Variants in DMTF1 observed in about 807,000 individuals in gnomAD.
DMTF1 encodes the protein cyclin-D-binding Myb-like transcription factor 1.
A neutral mutation model predicts 91.1 loss-of-function variants in DMTF1; 39 were observed. That is an observed-to-expected ratio of 0.43 (90% confidence interval 0.33 to 0.56). DMTF1 has a LOEUF of 0.56. DMTF1 is among the 20% of genes least tolerant of loss of function. The pLI is 0.05. For missense variants in DMTF1, 750 were observed against 914.5 expected, an observed-to-expected ratio of 0.82 and a Z score of 2.32; for synonymous variants, 338 against 309.5, an observed-to-expected ratio of 1.09 and a Z score of -0.97.
At position 87,168,266 on chromosome 7, in the gene DMTF1, A is replaced by G. The variant is rs75204062; in HGVS notation, c.232+1661A>G. On this transcript the variant is annotated intron_variant, in intron 4 of 17. Coordinates refer to ENST00000331242, the MANE Select transcript of DMTF1 (RefSeq NM_001142327.2). ...ACTACATTTATCCCATTCCCTATTT[A>G]TAGTTGTAACTGTATAGTGATTACA... Among the ~76,000 whole-genome samples the G allele has an allele frequency of 6.0e-3, 909 of 152,296 alleles. 10 individuals are homozygous for G. The highest frequency in any genetic ancestry group is 0.021 in the African/African-American group (866 of 41,572).
intron 1 of DMTF1, among the ~76,000 whole-genome samples, chr7:87,162,265 A>G (rs1437083803): frequency 1.7e-4 from 26 of 152,046 alleles, no homozygotes; most frequent in Admixed American, 1.7e-3. Flanking sequence ...TCTGGAGACT[A>G]GATCTCACTA....
intron 1 of DMTF1, chr7:87,154,331 C>G (rs146673087): frequency 2.0e-5 from 3 of 152,582 alleles, no homozygotes; most frequent in East Asian, 1.9e-4. Flanking sequence ...TTTTAACTCT[C>G]GATACTAGGT....
intron 10 of DMTF1, among the ~76,000 whole-genome samples, 197 bp from the exon 11 acceptor site, chr7:87,184,200 C>G (rs973382775): frequency 2.0e-5 from 3 of 152,050 alleles, no homozygotes; most frequent in Non-Finnish European, 4.4e-5. Context: ...TCTTTATTTT[C>G]TTTTCTACTG....
chr7:87,159,864 T>TA (rs1791810988), intron 1 of DMTF1, among the ~76,000 whole-genome samples: 2 of 152,202 alleles, frequency 1.3e-5, no homozygotes, highest in African/African-American at 2.4e-5. Context: ...ATAGAAAAGG[T>TA]ACAGTAAAAA....
At chr7:87,163,963 A>C (rs1287428263) in intron 2 of DMTF1, among the ~76,000 whole-genome samples, 1 of 145,964 alleles carries the variant, frequency 6.9e-6, no homozygotes, top group African/African-American at 2.5e-5. Flanking sequence ...GTATCACTTG[A>C]GCTCAGAAGT....
At chr7:87,194,257 T>A in intron 16 of DMTF1, 155 bp downstream of exon 16, 1 of 776,178 alleles carries the variant, frequency 1.3e-6, no homozygotes, top group Non-Finnish European at 2.0e-6. Flanking sequence ...GGGCAGGCAG[T>A]GATCCTGTGG....
intron 8 of DMTF1, 76 bp from the exon 9 acceptor site, chr7:87,181,233 G>T (rs548713786): frequency 1.4e-6 from 1 of 711,436 alleles, no homozygotes; most frequent in East Asian, 2.7e-5. Flanking sequence ...CTCCCTAAAT[G>T]AAATTCTGAT....
rs1801038757 is a variant in DMTF1, at chr7:87,195,367, A to G, written c.*227A>G. 1 of 398,886 alleles carries G rather than the reference A, an allele frequency of 2.5e-6. No homozygotes were observed. Among genetic ancestry groups the G allele is most frequent in the Non-Finnish European group, 4.5e-6 (1 of 221,604 alleles). 24.7% of individuals were successfully genotyped at this position (398,886 alleles called of 1,614,324 possible). ...AGTTGAGTGGAGGCTGGGAGTTTTA[A>G]GCATAAATCCCTGTTTAGTGTTACA... is the stretch of plus-strand genomic sequence containing the variant. On this transcript the variant is annotated 3_prime_UTR_variant, in exon 18 of 18. Transcript: ENST00000331242.
intron 4 of DMTF1, among the ~76,000 whole-genome samples, chr7:87,168,053 C>T (rs1207872273): frequency 1.3e-5 from 2 of 152,160 alleles, no homozygotes; most frequent in African/African-American, 4.8e-5. Flanking sequence ...GGTATGTTGA[C>T]ATGAAAGCAC....
chr7:87,184,987 G>C (rs1252287726), intron 11 of DMTF1: 1 of 438,190 alleles, frequency 2.3e-6, no homozygotes, highest in African/African-American at 2.0e-5. Context: ...TAAGAGGGCT[G>C]TTCAGTCTCC....
intron 3 of DMTF1, 85 bp from the exon 4 acceptor site, chr7:87,166,394 AATAG>A (rs1189656296): frequency 1.0e-5 from 14 of 1,375,014 alleles, no homozygotes; most frequent in Admixed American, 7.2e-5. Flanking sequence ...AAATTTTTTT[AATAG>A]ATAAGAAAAT....
At position 87,194,071 on chromosome 7, in the gene DMTF1, C is replaced by T. The variant is rs1321716559; in HGVS notation, c.1997C>T (p.Pro666Leu). 1.2e-6 allele frequency: 2 copies of T among 1,607,510 alleles called. No individual in the cohort carries two copies. Among genetic ancestry groups the T allele is most frequent in the Admixed American group, 1.7e-5 (1 of 59,396 alleles). The stretch of plus-strand genomic sequence containing the variant: ...ACCGACCTTAAACAAGAGGAATCAC[C>T]CTCTGATTTAGCCAGTGCTTATGTT... ...SDTDLKQEES[P>L]SDLASAYVTE... The change falls in exon 16 of 18, where the codon CCC (proline) becomes CTC (leucine). Residue 666 changes from proline to leucine, a missense_variant. Coordinates refer to ENST00000331242, the MANE Select transcript of DMTF1 (RefSeq NM_001142327.2).
intron 7 of DMTF1, among the ~76,000 whole-genome samples, chr7:87,175,180 C>T (rs1386359009): frequency 2.0e-5 from 3 of 151,922 alleles, no homozygotes; most frequent in African/African-American, 7.3e-5. Context: ...ACCACCACGC[C>T]CGGCTAATTT....
chr7:87,154,475 G>A (rs1188536133), intron 1 of DMTF1: 1 of 152,618 alleles, frequency 6.6e-6, no homozygotes, highest in African/African-American at 2.4e-5. Context: ...GGTTGCAGTT[G>A]AGCTAATGGT....
At chr7:87,186,247 A>C (rs1485634957) in intron 12 of DMTF1, 5 of 393,356 alleles carry the variant, frequency 1.3e-5, no homozygotes, top group Non-Finnish European at 1.8e-5. Context: ...ATCATGCCAC[A>C]TAACGATTTA....
At chr7:87,180,174 C>T (rs1413555602) in intron 8 of DMTF1, among the ~76,000 whole-genome samples, 1 of 152,134 alleles carries the variant, frequency 6.6e-6, no homozygotes, top group African/African-American at 2.4e-5. Context: ...TAAGATTCTT[C>T]AAATGCAATG....
chr7:87,193,173 A>C (rs1415112709), intron 14 of DMTF1, 25 bp from the exon 15 acceptor site: 2 of 1,611,102 alleles, frequency 1.2e-6, no homozygotes, highest in Non-Finnish European at 1.7e-6. Flanking sequence ...AATCATTGTT[A>C]AACTATCTTT....
rs148510277 is a variant in DMTF1 at position 87,190,959 on chromosome 7, C to T, written c.1426C>T (p.Pro476Ser). 3.3e-4 allele frequency: 530 copies of T among 1,609,856 alleles called. 1 individual carries two copies. In the African/African-American group the frequency reaches 5.9e-3, roughly 18 times the overall value. Residue 476 changes from proline to serine, a missense_variant, in exon 14 of 18, where the codon CCT becomes TCT. Pro to Ser is a moderately conservative substitution (Grantham distance 74). Around this residue, in one of 3 missense-constraint regions of DMTF1, gnomAD observed 410 missense variants for 420.2 expected, o/e 0.98. Coordinates refer to ENST00000331242, the MANE Select transcript of DMTF1 (RefSeq NM_001142327.2). ...QITHVSSADS[P>S]ATVDSETITL... is the part of the protein sequence containing the mutation. ...TCTTACCACAGCTTCAGCAGACTCTCCTGCTACCGTTGACTCAGAAACAAT... is the reference window on the plus strand; with the variant it reads ...TCTTACCACAGCTTCAGCAGACTCTTCTGCTACCGTTGACTCAGAAACAAT...
intron 1 of DMTF1, among the ~76,000 whole-genome samples, chr7:87,154,848 A>G (rs538584281): frequency 2.6e-5 from 4 of 152,146 alleles, no homozygotes; most frequent in Non-Finnish European, 4.4e-5. Context: ...GTATTTTATA[A>G]GGTTAGTTTG....
Sources: allele counts gnomAD v4.1 joint callset (sites outside exome capture counted in the v4.1 genomes callset), GRCh38; gene constraint gnomAD v4.1.1; regional missense constraint gnomAD v4.1.1; transcripts MANE v1.5; gene names NCBI Gene and HGNC (gene_info 2026-07-23, HGNC 2026-07-21).